DST: variants seen among roughly 807,000 people sequenced by gnomAD.
DST encodes the protein dystonin.
A neutral mutation model predicts 875.2 loss-of-function variants in DST; 253 were observed. The observed-to-expected ratio is 0.29, with a 90% CI of 0.26 to 0.32. The LOEUF (loss-of-function observed/expected upper bound fraction) is 0.32. DST is among the 10% of genes least tolerant of loss of function. The pLI is 1.00. For missense variants in DST, 8,287 were observed against 9,111.6 expected, an observed-to-expected ratio of 0.91 and a Z score of 3.68; for synonymous variants, 3,124 against 3,197.1, an observed-to-expected ratio of 0.98 and a Z score of 0.77.
intron 78 of DST, among the ~76,000 whole-genome samples, chr6:56,503,738 T>C (rs2096222306): frequency 6.6e-6 from 1 of 152,016 alleles, no homozygotes; most frequent in South Asian, 2.1e-4. Context: ...TTTTTCTCCT[T>C]TTTATTTGCA....
At chr6:56,824,575 G>C (rs1055563897) in intron 4 of DST, among the ~76,000 whole-genome samples, 2 of 151,536 alleles carry the variant, frequency 1.3e-5, no homozygotes, top group Non-Finnish European at 2.9e-5. Flanking sequence ...GTCTCTGCCC[G>C]GCCGCCCATC....
intron 9 of DST, among the ~76,000 whole-genome samples, chr6:56,688,288 A>G (rs2099202175): frequency 6.6e-6 from 1 of 152,202 alleles, no homozygotes; most frequent in African/African-American, 2.4e-5. Flanking sequence ...GAGCAAGGCT[A>G]AACACATTCA....
chr6:56,861,997 C>CG (rs1455020126), intron 3 of DST: 2 of 152,192 alleles, frequency 1.3e-5, no homozygotes, highest in Non-Finnish European at 2.9e-5. Flanking sequence ...TGGGTAGCAG[C>CG]TGTTTCTTAT....
At chr6:56,733,742 C>T (rs1451260405) in intron 5 of DST, among the ~76,000 whole-genome samples, 1 of 151,590 alleles carries the variant, frequency 6.6e-6, no homozygotes, top group East Asian at 2.0e-4. Context: ...ACATAATATA[C>T]CTTTTACAAA....
chr6:56,897,992 T>C (rs1792277627), intron 3 of DST, among the ~76,000 whole-genome samples: 1 of 152,136 alleles, frequency 6.6e-6, no homozygotes, highest in African/African-American at 2.4e-5. Context: ...GTAAGTAGGC[T>C]CCACCTATAG....
chr6:56,558,970 A>G (rs2097484131), intron 58 of DST, among the ~76,000 whole-genome samples: 2 of 152,090 alleles, frequency 1.3e-5, no homozygotes, highest in South Asian at 4.1e-4. Context: ...CCTGCAGTCA[A>G]GGGTTACTGA....
chr6:56,666,370 T>C (rs1308405058), intron 10 of DST, among the ~76,000 whole-genome samples: 1 of 152,206 alleles, frequency 6.6e-6, no homozygotes, highest in Non-Finnish European at 1.5e-5. Flanking sequence ...CTTTAGAAGA[T>C]ATGCACCAAA....
rs758190901 is a variant in DST at position 56,555,720 on chromosome 6, G to A, written c.14761C>T (p.Leu4921=). 6.2e-7 allele frequency: 1 copy of A among 1,609,920 alleles called. No homozygotes were observed. The highest frequency in any genetic ancestry group is 8.5e-7 in the Non-Finnish European group (1 of 1,176,314). The change falls in exon 60 of 104, where the codon CTG becomes TTG. Residue 4921 remains leucine, a synonymous_variant. Coordinates refer to ENST00000680361, the MANE Select transcript of DST (RefSeq NM_001374736.1). ...TCCCATTTTTGGGTCACAGCTGCCAGTTGCTCTTTCACAATCCCACGTAAA... is the reference window on the plus strand; with the variant it reads ...TCCCATTTTTGGGTCACAGCTGCCAATTGCTCTTTCACAATCCCACGTAAA... The part of the protein sequence containing the change: ...PSLRGIVKEQ[L]AAVTQKWDSL...
chr6:56,538,527 T>C (rs371753359), intron 61 of DST, among the ~76,000 whole-genome samples: 1 of 152,100 alleles, frequency 6.6e-6, no homozygotes, highest in Non-Finnish European at 1.5e-5. Context: ...AGACACAGTA[T>C]GAAAAATAAC....
At chr6:56,944,541 T>C (rs1818432576) in intron 2 of DST, among the ~76,000 whole-genome samples, 1 of 152,106 alleles carries the variant, frequency 6.6e-6, no homozygotes, top group Non-Finnish European at 1.5e-5. Flanking sequence ...CTTTCTTAGT[T>C]GGAAATAACA....
chr6:56,881,576 C>T (rs1390355675), intron 3 of DST, among the ~76,000 whole-genome samples: 1 of 152,136 alleles, frequency 6.6e-6, no homozygotes, highest in African/African-American at 2.4e-5. Flanking sequence ...ACTGACTGAT[C>T]TTCCCACCCC....
Position 56,572,216 on chromosome 6 carries a change from A to G in DST, c.13605T>C (p.His4535=), listed in dbSNP as rs561587508. The G allele has an allele frequency of 1.7e-5, 27 of 1,577,746 alleles. No individual in the cohort carries two copies. The South Asian group carries it at 3.0e-4, about 17-fold the overall frequency. ...LEHKKHLEVL[H]SLLKEISSHG... is the part of the protein sequence containing the mutation. ...GGCTGGATATCTCCTTCAAGAGACT[A>G]TGCAAAACTTCAAGATGTTTCTTGT... Residue 4535 remains histidine, a synonymous_variant, in exon 53 of 104, where the codon CAT becomes CAC. Transcript: ENST00000680361.
intron 57 of DST, 79 bp from the exon 58 acceptor site, chr6:56,560,502 C>A: frequency 7.1e-7 from 1 of 1,404,362 alleles, no homozygotes; most frequent in Non-Finnish European, 9.6e-7. Flanking sequence ...TTATTTTTCT[C>A]TAGAATAATG....
At chr6:56,789,476 C>CT (rs1467592792) in intron 4 of DST, among the ~76,000 whole-genome samples, 1 of 152,112 alleles carries the variant, frequency 6.6e-6, no homozygotes, top group Non-Finnish European at 1.5e-5. Flanking sequence ...AATTTACCAT[C>CT]TTAACCATTT....
intron 49 of DST, among the ~76,000 whole-genome samples, chr6:56,585,858 T>C (rs1219366089): frequency 6.6e-6 from 1 of 152,196 alleles, no homozygotes; most frequent in Non-Finnish European, 1.5e-5. Context: ...AGGTACCCAG[T>C]AGTCATTCAG....
At chr6:56,535,442 A>C (rs1033863083) in intron 62 of DST, 150 bp from the exon 63 acceptor site, 23 of 928,714 alleles carry the variant, frequency 2.5e-5, no homozygotes, top group South Asian at 1.6e-4. Flanking sequence ...TATCGATAGT[A>C]GGCAGGATAG....
chr6:56,516,566 C>G (rs997141634), intron 71 of DST, among the ~76,000 whole-genome samples: 1 of 152,050 alleles, frequency 6.6e-6, no homozygotes, highest in Non-Finnish European at 1.5e-5. Context: ...CATAGAGATT[C>G]CTATTTTTTT....
intron 4 of DST, chr6:56,842,923 G>T: frequency 1.2e-6 from 1 of 859,512 alleles, no homozygotes; most frequent in Non-Finnish European, 1.6e-6. Flanking sequence ...AAAAAGACCT[G>T]GTCCATTCCC....
At chr6:56,474,959 T>TAAA (rs2095099199) in intron 92 of DST, among the ~76,000 whole-genome samples, 2 of 27,538 alleles carry the variant, frequency 7.3e-5, no homozygotes, top group Non-Finnish European at 1.2e-4. Context: ...ACCCTGCCTC[T>TAAA]CAAAAAAAAA....
Sources: allele counts gnomAD v4.1 joint callset (sites outside exome capture counted in the v4.1 genomes callset), GRCh38; gene constraint gnomAD v4.1.1; transcripts MANE v1.5; gene names NCBI Gene and HGNC (gene_info 2026-07-23, HGNC 2026-07-21).